WDR64: variants seen among roughly 807,000 people sequenced by gnomAD.
The protein encoded by WDR64 is WD repeat-containing protein 64.
Under a neutral mutation model 139.3 loss-of-function variants are expected in WDR64, and 112 were observed. The ratio of observed to expected loss-of-function variants is 0.80; its 90% CI spans 0.69 to 0.94. The LOEUF (loss-of-function observed/expected upper bound fraction) is 0.94. WDR64 is among the 40% of genes least tolerant of loss of function. The pLI, the probability that WDR64 is intolerant of heterozygous loss-of-function variation, is 0.00. For missense variants in WDR64, 1,206 were observed against 1,293.1 expected (o/e 0.93, Z 1.03); for synonymous variants, 444 against 437.7 (o/e 1.01, Z -0.18).
Position 241,801,979 on chromosome 1 carries a change from C to T in WDR64, c.*764C>T, listed in dbSNP as rs372519210. ...GAAACACATCTAACATACAAGGACA[C>T]CAAACTCTTAAAGATAAAAGAATGA... On this transcript the variant is annotated 3_prime_UTR_variant, in exon 28 of 28. Transcript: ENST00000437684. 6.5e-5 allele frequency: 26 copies of T among 397,590 alleles called. No individual in the cohort carries two copies. In the East Asian group the frequency reaches 9.0e-4, roughly 14 times the overall value. 24.6% of individuals were successfully genotyped at this position (397,590 alleles called of 1,614,324 possible). A position where few individuals can be genotyped will look rare whatever the true frequency, so the allele number is the denominator to read the frequency against.
chr1:241,686,962 G>A (rs1427438470), intron 7 of WDR64, among the ~76,000 whole-genome samples: 1 of 152,164 alleles, frequency 6.6e-6, no homozygotes, highest in Non-Finnish European at 1.5e-5. Context: ...ATTTTGAAGA[G>A]TCTTTTAAAG....
chr1:241,697,223 C>T (rs1182749828), intron 8 of WDR64, among the ~76,000 whole-genome samples: 1 of 152,172 alleles, frequency 6.6e-6, no homozygotes, highest in Non-Finnish European at 1.5e-5. Context: ...GACTTCTGCC[C>T]CTTTCACTCT....
At chr1:241,770,509 C>A (rs1658387592) in intron 17 of WDR64, 112 bp from the exon 18 acceptor site, 4 of 898,306 alleles carry the variant, frequency 4.5e-6, no homozygotes, top group Non-Finnish European at 6.8e-6. Context: ...GGCTCAGTAT[C>A]CACAGATGAT....
chr1:241,677,323 A>T (rs1159665750), intron 4 of WDR64: 1 of 398,336 alleles, frequency 2.5e-6, no homozygotes, highest in African/African-American at 2.1e-5. Context: ...ACAGCGATGT[A>T]TTTTTTCCAC....
intron 8 of WDR64, among the ~76,000 whole-genome samples, chr1:241,697,797 C>A (rs1667553208): frequency 6.6e-6 from 1 of 152,168 alleles, no homozygotes; most frequent in South Asian, 2.1e-4. Flanking sequence ...TCTTCCCTAT[C>A]TACTCTGTGG....
chr1:241,775,950 A>G (rs1371688223), intron 21 of WDR64, among the ~76,000 whole-genome samples: 6 of 152,202 alleles, frequency 3.9e-5, no homozygotes, highest in African/African-American at 1.4e-4. Context: ...TGCTAATGCA[A>G]CTGTAAGATT....
At chr1:241,711,916 T>C in intron 9 of WDR64, 35 bp downstream of exon 9, 11 of 1,601,522 alleles carry the variant, frequency 6.9e-6, no homozygotes, top group Non-Finnish European at 9.4e-6. Flanking sequence ...AGGGGTTTTC[T>C]ACTTTGCAAA....
intron 15 of WDR64, 58 bp from the exon 16 acceptor site, chr1:241,766,157 GCGT>G: frequency 3.2e-6 from 5 of 1,548,964 alleles, no homozygotes; most frequent in Non-Finnish European, 3.5e-6. Context: ...TGTACACATG[GCGT>G]TTGCACCGCG....
chr1:241,785,570 G>C lies in WDR64; in HGVS notation c.2705+2189G>C, dbSNP rs142259938. ...TCACGCCATAGCACTGCTCACTCCAGTTATCCTTGGCATGGAGAAATTAAT... is the reference window on the plus strand; with the variant it reads ...TCACGCCATAGCACTGCTCACTCCACTTATCCTTGGCATGGAGAAATTAAT... On this transcript the variant is annotated intron_variant, in intron 23 of 27. Coordinates refer to ENST00000437684, the MANE Select transcript of WDR64 (RefSeq NM_001367482.1). 2.0e-5 allele frequency among the ~76,000 whole-genome samples: 3 copies of C among 152,214 alleles called. No individual in the cohort carries two copies. The East Asian group carries it at 5.8e-4, about 29-fold the overall frequency.
intron 9 of WDR64, among the ~76,000 whole-genome samples, chr1:241,717,221 T>C (rs1668437489): frequency 1.3e-5 from 2 of 152,190 alleles, no homozygotes; most frequent in Admixed American, 1.3e-4. Context: ...CCTATGAAAA[T>C]TCCAGATTGC....
rs1360330444 is a variant in WDR64, at chr1:241,767,817, C to A, written c.2081+1466C>A. Among the ~76,000 whole-genome samples the A allele has an allele frequency of 2.0e-5, 3 of 151,694 alleles. No homozygotes were observed. In the South Asian group the frequency reaches 6.2e-4, roughly 31 times the overall value. The stretch of plus-strand genomic sequence containing the variant: ...TAATTGAAATAGCTGTTTCTGCAGA[C>A]CCCCCTTTCTGCACCTCAGTCCACA... On this transcript the variant is annotated intron_variant, in intron 16 of 27. Transcript: ENST00000437684.
chr1:241,708,203 C>T (rs1345133809), intron 8 of WDR64, among the ~76,000 whole-genome samples: 1 of 151,956 alleles, frequency 6.6e-6, no homozygotes, highest in Non-Finnish European at 1.5e-5. Context: ...AGTTTTCTTT[C>T]CTTTAAATTA....
At chr1:241,661,301 A>G (rs1665823585) in intron 2 of WDR64, among the ~76,000 whole-genome samples, 1 of 152,050 alleles carries the variant, frequency 6.6e-6, no homozygotes, top group Non-Finnish European at 1.5e-5. Context: ...TCTCAAATAT[A>G]TATGGAGCCA....
intron 25 of WDR64, among the ~76,000 whole-genome samples, chr1:241,792,870 C>A (rs1216002956): frequency 6.6e-6 from 1 of 152,110 alleles, no homozygotes; most frequent in Non-Finnish European, 1.5e-5. Flanking sequence ...ATAGGCCTAT[C>A]CTATTAAATG....
rs1667798072 is a variant in WDR64 at position 241,703,256 on chromosome 1, T to G, written c.975-8546T>G. 6.6e-6 allele frequency among the ~76,000 whole-genome samples: 1 copy of G among 152,162 alleles called. No homozygotes were observed. Among genetic ancestry groups the G allele is most frequent in the African/African-American group, 2.4e-5 (1 of 41,432 alleles). On this transcript the variant is annotated intron_variant, in intron 8 of 27. Transcript: ENST00000437684. This position sits in a 1 kb window ranked among gnomAD's most constrained non-coding sequence, Gnocchi z 5.9. ...CAGTTCCCCTGGGATGCTTCCCGTC[T>G]GCAGCATTGCCTTCCATTCAGTGAA...
At chr1:241,759,100 T>C (rs932358928) in intron 15 of WDR64, among the ~76,000 whole-genome samples, 6 of 152,160 alleles carry the variant, frequency 3.9e-5, no homozygotes, top group African/African-American at 1.4e-4. Flanking sequence ...TATTCTTCTA[T>C]ATAATATACA....
chr1:241,685,897 T>C (rs7530372), intron 7 of WDR64, among the ~76,000 whole-genome samples: 88,989 of 152,116 alleles, frequency 0.59, 29,358 homozygotes, highest in Non-Finnish European at 0.75. Flanking sequence ...TGCTGAGACA[T>C]GAATCTGCTT....
chr1:241,684,361 C>G (rs1666928564), intron 7 of WDR64, among the ~76,000 whole-genome samples: 1 of 152,126 alleles, frequency 6.6e-6, no homozygotes, highest in Admixed American at 6.5e-5. Context: ...TCAAAGTGAT[C>G]ATCAGAAAAA....
chr1:241,793,363 C>T (rs984828045), intron 25 of WDR64, among the ~76,000 whole-genome samples: 3 of 151,750 alleles, frequency 2.0e-5, no homozygotes, highest in Non-Finnish European at 1.5e-5. Context: ...TTGTAAAACA[C>T]GGCAGCAGAT....
Sources: gnomAD v4.1 joint callset for allele counts (sites outside exome capture counted in the v4.1 genomes callset) on GRCh38, gnomAD v4.1.1 for gene constraint, Gnocchi (gnomAD v3.1) non-coding constraint, MANE v1.5 for transcripts, NCBI Gene and HGNC (gene_info 2026-07-23, HGNC 2026-07-21) for gene names.